RANBP2: variants seen among roughly 807,000 people sequenced by gnomAD.
The protein encoded by RANBP2 is RAN binding protein 2.
In RANBP2, 57 loss-of-function variants were observed where a neutral mutation model predicts 303.6. The ratio of observed to expected loss-of-function variants is 0.19; its 90% CI spans 0.15 to 0.23. The LOEUF is 0.23. Ranked by LOEUF, RANBP2 falls within the 10% of genes least tolerant of loss-of-function variation. The pLI, the probability that RANBP2 is intolerant of heterozygous loss-of-function variation, is 1.00. For missense variants in RANBP2, 3,138 were observed against 3,780.8 expected (o/e 0.83, Z 4.46); for synonymous variants, 1,167 against 1,301.5 (o/e 0.90, Z 2.23).
the RANBP2 span, among the ~76,000 whole-genome samples, chr2:109,295,965 T>C: frequency 1.3e-5 from 2 of 152,140 alleles, no homozygotes; most frequent in Non-Finnish European, 2.9e-5. Context: ...GTGAGAGACA[T>C]TGCAGCCCTT....
At chr2:109,598,645 C>A in the RANBP2 span, among the ~76,000 whole-genome samples, 1 of 151,900 alleles carries the variant, frequency 6.6e-6, no homozygotes, top group East Asian at 2.0e-4. Flanking sequence ...GAGGTCAACA[C>A]CAGCCTGGCC....
the RANBP2 span, among the ~76,000 whole-genome samples, chr2:108,983,173 G>C: frequency 1.7e-4 from 26 of 152,168 alleles, no homozygotes; most frequent in African/African-American, 5.5e-4. Context: ...AGAGGATGCC[G>C]CATGTCAACA....
chr2:109,211,544 C>T, the RANBP2 span, among the ~76,000 whole-genome samples: 7 of 152,230 alleles, frequency 4.6e-5, no homozygotes, highest in Admixed American at 3.3e-4. Flanking sequence ...CAGCAAGCTC[C>T]GGGGCTGTCA....
the RANBP2 span, among the ~76,000 whole-genome samples, chr2:109,683,204 C>T: frequency 6.6e-6 from 1 of 152,156 alleles, no homozygotes; most frequent in African/African-American, 2.4e-5. Flanking sequence ...CAGGGTTTCA[C>T]CATATTGGCC....
the RANBP2 span, among the ~76,000 whole-genome samples, chr2:109,696,572 G>C: frequency 1.3e-5 from 2 of 152,034 alleles, no homozygotes; most frequent in Non-Finnish European, 2.9e-5. Flanking sequence ...TCTTAAAATT[G>C]GTTAGTATAA....
chr2:108,757,520 C>T (rs113204607), intron 17 of RANBP2, among the ~76,000 whole-genome samples: 1 of 152,170 alleles, frequency 6.6e-6, no homozygotes, highest in Non-Finnish European at 1.5e-5. Flanking sequence ...TTATTATATA[C>T]ATAATAAATT....
the RANBP2 span, among the ~76,000 whole-genome samples, chr2:109,043,635 C>A: frequency 1.3e-5 from 2 of 152,042 alleles, no homozygotes; most frequent in Non-Finnish European, 2.9e-5. Context: ...GTGCCTGGCC[C>A]GAATGTATTT....
chr2:108,889,356 C>T, the RANBP2 span, among the ~76,000 whole-genome samples: 2 of 151,988 alleles, frequency 1.3e-5, no homozygotes, highest in Non-Finnish European at 2.9e-5. Flanking sequence ...GATTTTCTGT[C>T]GAGGTGATCT....
At chr2:108,730,993 T>C in intron 3 of RANBP2, 108 bp downstream of exon 3, 1 of 1,302,150 alleles carries the variant, frequency 7.7e-7, no homozygotes, top group Non-Finnish European at 1.1e-6. Flanking sequence ...AAAACAGGCA[T>C]TGGTATCATA....
chr2:108,738,602 GCT>G (rs1481505077), intron 6 of RANBP2, among the ~76,000 whole-genome samples: 1 of 150,902 alleles, frequency 6.6e-6, no homozygotes, highest in Non-Finnish European at 1.5e-5. Flanking sequence ...AATGTAAGAA[GCT>G]CTATTGTGTG....
At chr2:109,114,971 G>A in the RANBP2 span, among the ~76,000 whole-genome samples, 1 of 152,184 alleles carries the variant, frequency 6.6e-6, no homozygotes, top group East Asian at 1.9e-4. Context: ...CCTGAGTTCT[G>A]GTTTGATTGC....
chr2:109,301,179 G>T, the RANBP2 span, among the ~76,000 whole-genome samples: 1 of 152,208 alleles, frequency 6.6e-6, no homozygotes, highest in South Asian at 2.1e-4. Flanking sequence ...AGAGTCAAGA[G>T]GGGGATTGCC....
the RANBP2 span, among the ~76,000 whole-genome samples, chr2:108,972,149 G>A: frequency 6.6e-6 from 1 of 152,240 alleles, no homozygotes; most frequent in Non-Finnish European, 1.5e-5. Flanking sequence ...CAAAATCTGT[G>A]GGATGGTCAC....
At chr2:108,828,549 A>G in the RANBP2 span, among the ~76,000 whole-genome samples, 2 of 152,230 alleles carry the variant, frequency 1.3e-5, no homozygotes, top group Non-Finnish European at 2.9e-5. Flanking sequence ...AAGCCCTCAC[A>G]TATAGTCCAA....
At chr2:109,013,506 G>A in the RANBP2 span, among the ~76,000 whole-genome samples, 2 of 152,122 alleles carry the variant, frequency 1.3e-5, no homozygotes, top group Non-Finnish European at 2.9e-5. Flanking sequence ...CAGAGGGTGT[G>A]TGCTCCGGTG....
At chr2:109,317,074 C>T in the RANBP2 span, among the ~76,000 whole-genome samples, 63 of 152,090 alleles carry the variant, frequency 4.1e-4, no homozygotes, top group African/African-American at 1.2e-3. Flanking sequence ...TGGTGGCTTC[C>T]GCATTCTGGC....
chr2:108,725,819 C>CTT (rs59967536), intron 1 of RANBP2, among the ~76,000 whole-genome samples: 3 of 143,788 alleles, frequency 2.1e-5, no homozygotes, highest in East Asian at 2.1e-4. Context: ...TGCTGTAGTT[C>CTT]TTTTTTTTTT....
the RANBP2 span, among the ~76,000 whole-genome samples, chr2:109,638,999 A>T: frequency 1.3e-5 from 2 of 152,138 alleles, no homozygotes; most frequent in Non-Finnish European, 2.9e-5. Context: ...CTGCTAAGAG[A>T]CGTCGCCTGG....
At chr2:109,499,419 G>A in the RANBP2 span, among the ~76,000 whole-genome samples, 1 of 152,220 alleles carries the variant, frequency 6.6e-6, no homozygotes, top group African/African-American at 2.4e-5. Flanking sequence ...GGCTTTAGAT[G>A]TGCGGTCCAA....
Sources: allele counts gnomAD v4.1 joint callset (sites outside exome capture counted in the v4.1 genomes callset), GRCh38; gene constraint gnomAD v4.1.1; transcripts MANE v1.5; gene names NCBI Gene and HGNC (gene_info 2026-07-23, HGNC 2026-07-21).